Variants in HSDL2 observed in about 807,000 individuals in gnomAD.
The protein encoded by HSDL2 is hydroxysteroid dehydrogenase-like protein 2.
HSDL2 carries 27 observed loss-of-function variants against 46.3 expected under a neutral mutation model. The observed-to-expected ratio is 0.58, with a 90% CI of 0.43 to 0.80. The LOEUF is 0.80. HSDL2 is among the 30% of genes least tolerant of loss of function. The pLI is 0.00. For synonymous variants in HSDL2, 153 were observed against 163.6 expected (o/e 0.94, Z 0.50); for missense variants, 451 against 502.7 (o/e 0.90, Z 0.98).
At chr9:112,450,521 C>T (rs1321546813) in intron 8 of HSDL2, among the ~76,000 whole-genome samples, 4 of 149,940 alleles carry the variant, frequency 2.7e-5, no homozygotes, top group Non-Finnish European at 3.0e-5. Context: ...CCCAGCTATT[C>T]GGGAGGCTGA....
Position 112,470,425 on chromosome 9 carries a change from A to G in HSDL2, c.1145-7A>G. ...TTGCTTTTCCCTCTCTCATTTTCTC[A>G]TTTTAGGGAAACTAAAACCAACAAT... On this transcript the variant is annotated splice_polypyrimidine_tract_variant and splice_region_variant and intron_variant, in intron 10 of 10. Coordinates refer to ENST00000398805, the MANE Select transcript of HSDL2 (RefSeq NM_032303.5). 2 of 1,583,516 alleles carry G rather than the reference A, an allele frequency of 1.3e-6. No homozygotes were observed. Among genetic ancestry groups the G allele is most frequent in the Non-Finnish European group, 1.7e-6 (2 of 1,154,490 alleles).
intron 1 of HSDL2, among the ~76,000 whole-genome samples, chr9:112,384,488 C>T (rs899472291): frequency 6.6e-6 from 1 of 151,704 alleles, no homozygotes; most frequent in African/African-American, 2.4e-5. Flanking sequence ...AGAGATATGG[C>T]TTTTTTTTAC....
chr9:112,413,496 A>G (rs1181260493), intron 4 of HSDL2, among the ~76,000 whole-genome samples: 3 of 49,520 alleles, frequency 6.1e-5, no homozygotes, highest in South Asian at 1.3e-3. Flanking sequence ...AAAAAAAAAG[A>G]AAAAAAAGAA....
rs547331835 is a variant in HSDL2, at chr9:112,463,031, C to T, written c.1144+3454C>T. 1.2e-4 allele frequency among the ~76,000 whole-genome samples: 19 copies of T among 152,252 alleles called. No individual in the cohort carries two copies. The South Asian group carries it at 3.5e-3, about 28-fold the overall frequency. On this transcript the variant is annotated intron_variant, in intron 10 of 10. Coordinates refer to ENST00000398805, the MANE Select transcript of HSDL2 (RefSeq NM_032303.5). ...TATGTTGTAGCTGGTATCAGTAGTTCGGTTCCTTTTTATTGCTGAATAGTA... is the reference window on the plus strand; with the variant it reads ...TATGTTGTAGCTGGTATCAGTAGTTTGGTTCCTTTTTATTGCTGAATAGTA...
intron 1 of HSDL2, among the ~76,000 whole-genome samples, chr9:112,397,100 G>T (rs1385501172): frequency 6.6e-6 from 1 of 152,190 alleles, no homozygotes; most frequent in Non-Finnish European, 1.5e-5. Context: ...GGCTGTGTTT[G>T]TTGAGCTGGC....
intron 10 of HSDL2, among the ~76,000 whole-genome samples, chr9:112,462,425 C>T (rs7874782): frequency 0.96 from 144,433 of 151,224 alleles, 69,039 homozygotes; most frequent in African/African-American, 0.98. Flanking sequence ...ATCGAGCCAC[C>T]GCACTCCAGC....
At chr9:112,401,064 T>C (rs982069989) in intron 1 of HSDL2, among the ~76,000 whole-genome samples, 1 of 152,244 alleles carries the variant, frequency 6.6e-6, no homozygotes, top group African/African-American at 2.4e-5. Flanking sequence ...CTGTTATTGA[T>C]TGATAACATC....
chr9:112,402,039 C>G lies in HSDL2; in HGVS notation c.18-1956C>G, dbSNP rs74971550. Among the ~76,000 whole-genome samples the G allele has an allele frequency of 5.3e-3, 813 of 152,202 alleles. 10 individuals are homozygous for G. Among genetic ancestry groups the G allele is most frequent in the African/African-American group, 0.018 (767 of 41,538 alleles). On this transcript the variant is annotated intron_variant, in intron 1 of 10. Coordinates refer to ENST00000398805, the MANE Select transcript of HSDL2 (RefSeq NM_032303.5). ...CTGGGTCGTGCAAGAGTTTTATGTT[C>G]CTTTATTAACAAACCTGTTAATCTA...
At chr9:112,396,448 C>T (rs1056180869) in intron 1 of HSDL2, among the ~76,000 whole-genome samples, 3 of 152,238 alleles carry the variant, frequency 2.0e-5, no homozygotes, top group Admixed American at 6.5e-5. Flanking sequence ...ATCCAATAAG[C>T]GGCTTTTTCA....
At chr9:112,404,922 AGG>A (rs1447525828) in intron 2 of HSDL2, among the ~76,000 whole-genome samples, 2 of 42,486 alleles carry the variant, frequency 4.7e-5, no homozygotes, top group Non-Finnish European at 8.6e-5. Context: ...AAAATAAAAC[AGG>A]GGACAGGAAA....
chr9:112,412,473 ATTGT>A (rs1379439514), intron 4 of HSDL2, among the ~76,000 whole-genome samples: 4 of 152,226 alleles, frequency 2.6e-5, no homozygotes, highest in Admixed American at 2.0e-4. Context: ...GGGTGCAGAA[ATTGT>A]TTGTTCATTG....
In HSDL2 at chr9:112,407,449, C is replaced by T. The variant is rs964135496; in HGVS notation, c.281-1458C>T. ...TTTTCTTCTTTGAAACAGGGTCTCA[C>T]TCTGTCACCCAGACTGGTATGTAGT... On this transcript the variant is annotated intron_variant, in intron 3 of 10. Coordinates refer to ENST00000398805, the MANE Select transcript of HSDL2 (RefSeq NM_032303.5). Among the ~76,000 whole-genome samples, 31 of 152,002 alleles carry T rather than the reference C, an allele frequency of 2.0e-4. 1 individual carries two copies. The highest frequency in any genetic ancestry group is 1.9e-3 in the Admixed American group (29 of 15,256).
intron 6 of HSDL2, among the ~76,000 whole-genome samples, chr9:112,419,173 TAA>T (rs1832063727): frequency 5.6e-5 from 1 of 17,874 alleles, no homozygotes; most frequent in Non-Finnish European, 8.5e-5. Flanking sequence ...CATGCCTGGC[TAA>T]TTTTTGTATT....
chr9:112,429,072 T>C (rs1276852957), intron 6 of HSDL2, among the ~76,000 whole-genome samples: 2 of 152,172 alleles, frequency 1.3e-5, no homozygotes, highest in Non-Finnish European at 2.9e-5. Context: ...CTAATTTTTG[T>C]ATTTTTAGTA....
intron 1 of HSDL2, among the ~76,000 whole-genome samples, chr9:112,398,326 G>A (rs549325185): frequency 3.9e-4 from 59 of 152,124 alleles, no homozygotes; most frequent in African/African-American, 1.4e-3. Context: ...CAGGTAAATT[G>A]TAGTTTGGTT....
rs550105110 is a variant in HSDL2 at position 112,432,302 on chromosome 9, C to T, written c.599-6129C>T. Among the ~76,000 whole-genome samples, 5 of 152,276 alleles carry T rather than the reference C, an allele frequency of 3.3e-5. No individual in the cohort carries two copies. The South Asian group carries it at 1.0e-3, about 32-fold the overall frequency. On this transcript the variant is annotated intron_variant, in intron 6 of 10. Coordinates refer to ENST00000398805, the MANE Select transcript of HSDL2 (RefSeq NM_032303.5). ...CGTCAGGTTTAGTAGTCTGTACATC[C>T]CCTTCACATCACTTACACCGTTTGT...
chr9:112,458,321 T>G (rs1231183953), intron 9 of HSDL2, among the ~76,000 whole-genome samples: 32 of 119,610 alleles, frequency 2.7e-4, no homozygotes, highest in East Asian at 1.4e-3. Context: ...CCACTTCTTC[T>G]TTTTTTTTTT....
chr9:112,437,582 GGTGGT>G (rs1312743436), intron 6 of HSDL2, among the ~76,000 whole-genome samples: 1 of 151,970 alleles, frequency 6.6e-6, no homozygotes, highest in African/African-American at 2.4e-5. Context: ...GCATGTGTTT[GGTGGT>G]GGCTGACAGG....
At chr9:112,425,172 C>G (rs1230971286) in intron 6 of HSDL2, among the ~76,000 whole-genome samples, 1 of 151,916 alleles carries the variant, frequency 6.6e-6, no homozygotes, top group Non-Finnish European at 1.5e-5. Context: ...TTCTTGCATC[C>G]TTTCTACTAC....
Sources: gnomAD v4.1 joint callset for allele counts (sites outside exome capture counted in the v4.1 genomes callset) on GRCh38, gnomAD v4.1.1 for gene constraint, MANE v1.5 for transcripts, NCBI Gene and HGNC (gene_info 2026-07-23, HGNC 2026-07-21) for gene names.